The following CNOT7 variants were observed in gnomAD, a reference collection of about 807,000 sequenced individuals.
The protein encoded by CNOT7 is CCR4-NOT transcription complex subunit 7.
In CNOT7, 4 loss-of-function variants were observed where a neutral mutation model predicts 37.1. The observed-to-expected ratio is 0.11, with a 90% CI of 0.05 to 0.25. The LOEUF (loss-of-function observed/expected upper bound fraction) is 0.25. Among genes scored for constraint, CNOT7 ranks in the 10% least tolerant of loss-of-function variants. The pLI is 1.00. For synonymous variants in CNOT7, 128 were observed against 115.6 expected (o/e 1.11, Z -0.69); for missense variants, 170 against 336.2 (o/e 0.51, Z 3.87).
Position 17,237,369 on chromosome 8 carries a change from C to T in CNOT7, c.316G>A (p.Asp106Asn). 6.2e-7 allele frequency: 1 copy of T among 1,613,056 alleles called. No homozygotes were observed. The highest frequency in any genetic ancestry group is 8.5e-7 in the Non-Finnish European group (1 of 1,179,600). ...TCTATAGAGTCCTGGGCATACATGTCCTCCCTGGCAGAAGAAAGAGAAAGA... is the reference window on the plus strand; with the variant it reads ...TCTATAGAGTCCTGGGCATACATGTTCTCCCTGGCAGAAGAAAGAGAAAGA... ...QFNFKFNLTEDMYAQDSIELL... is the reference protein window; with the variant it reads ...QFNFKFNLTENMYAQDSIELL... The change falls in exon 4 of 7, where the codon GAC becomes AAC. Residue 106 changes from aspartate (D) to asparagine (N), a missense_variant. Coordinates refer to ENST00000361272, the MANE Select transcript of CNOT7 (RefSeq NM_013354.7).
At position 17,225,255 on chromosome 8, in the gene CNOT7, C is replaced by G. The variant is rs1294639319; in HGVS notation, c.*5465G>C. On this transcript the variant is annotated 3_prime_UTR_variant, in exon 7 of 7. Transcript: ENST00000361272. ...TATGATACTAAATAAAGATTCTTAT[C>G]TTTTGGGAGAAAGAGCCAAAACAGA... 6.6e-6 allele frequency: 1 copy of G among 151,566 alleles called. No homozygotes were observed. Among genetic ancestry groups the G allele is most frequent in the Non-Finnish European group, 1.5e-5 (1 of 67,630 alleles). The allele number at this position is 151,566 out of a possible 1,614,324, so 9.4% of individuals were successfully genotyped here.
chr8:17,243,370 A>G (rs895976278), intron 2 of CNOT7, 185 bp from the exon 3 acceptor site: 5 of 643,180 alleles, frequency 7.8e-6, no homozygotes, highest in South Asian at 3.7e-5. Context: ...TATAAACTTA[A>G]TAACCTTTCC....
chr8:17,228,361 A>C lies in CNOT7; in HGVS notation c.*2359T>G, dbSNP rs971106369. On this transcript the variant is annotated 3_prime_UTR_variant, in exon 7 of 7. Coordinates refer to ENST00000361272, the MANE Select transcript of CNOT7 (RefSeq NM_013354.7). ...CATTGAGACTGTCTGGAACAAAATA[A>C]AAAAGTAAAACTTAGACCCAGTAAA... The C allele has an allele frequency of 6.6e-6, 1 of 151,976 alleles. No individual in the cohort carries two copies. The highest frequency in any genetic ancestry group is 2.4e-5 in the African/African-American group (1 of 41,448). 9.4% of individuals were successfully genotyped at this position (151,976 alleles called of 1,614,324 possible).
At chr8:17,244,790 A>G (rs1310704045) in intron 2 of CNOT7, 1 of 398,788 alleles carries the variant, frequency 2.5e-6, no homozygotes. Flanking sequence ...CCTAACTCTT[A>G]TTCAAACGGC....
intron 5 of CNOT7, among the ~76,000 whole-genome samples, chr8:17,234,269 A>G (rs371201887): frequency 6.6e-6 from 1 of 152,208 alleles, no homozygotes; most frequent in Non-Finnish European, 1.5e-5. Context: ...TCTAGCCAAG[A>G]TAAGCCAAAA....
chr8:17,237,151 G>C, intron 4 of CNOT7, 61 bp downstream of exon 4: 1 of 1,522,050 alleles, frequency 6.6e-7, no homozygotes, highest in Non-Finnish European at 9.0e-7. Context: ...AGTGACCCAA[G>C]TAAGTGTGGA....
chr8:17,231,955 A>G (rs1257669274), intron 6 of CNOT7: 1 of 986,984 alleles, frequency 1.0e-6, no homozygotes, highest in African/African-American at 1.7e-5. Flanking sequence ...AAAATCTTCA[A>G]AGCACTGAAG....
At chr8:17,241,099 A>G (rs775618304) in intron 3 of CNOT7, among the ~76,000 whole-genome samples, 1 of 152,004 alleles carries the variant, frequency 6.6e-6, no homozygotes, top group Non-Finnish European at 1.5e-5. Flanking sequence ...ACAAAGTATC[A>G]CTCTGTTGCC....
At chr8:17,238,982 A>C (rs1165492282) in intron 3 of CNOT7, among the ~76,000 whole-genome samples, 2 of 151,906 alleles carry the variant, frequency 1.3e-5, no homozygotes, top group African/African-American at 4.8e-5. Flanking sequence ...CTAACATACA[A>C]CTCCTTAACT....
intron 6 of CNOT7, chr8:17,232,106 T>C (rs1808716957): frequency 2.0e-6 from 2 of 1,009,792 alleles, no homozygotes; most frequent in African/African-American, 3.5e-5. Flanking sequence ...GTTCTCCCAC[T>C]AGTAATGTGT....
rs761381506 is a variant in CNOT7, at chr8:17,228,490, TAC to T, written c.*2228_*2229del. 2.0e-5 allele frequency: 3 copies of T among 151,936 alleles called. No individual in the cohort carries two copies. Among genetic ancestry groups the T allele is most frequent in the Non-Finnish European group, 4.4e-5 (3 of 67,858 alleles). 9.4% of individuals were successfully genotyped at this position (151,936 alleles called of 1,614,324 possible). The stretch of plus-strand genomic sequence containing the variant: ...GATGCATTTAATGCAGGCAACAGCA[TAC>T]AGTCCCCCAATTTACGATGGTTCAA... On this transcript the variant is annotated 3_prime_UTR_variant, in exon 7 of 7. Coordinates refer to ENST00000361272, the MANE Select transcript of CNOT7 (RefSeq NM_013354.7).
At chr8:17,235,749 TATTCTTC>T (rs1462772895) in intron 4 of CNOT7, among the ~76,000 whole-genome samples, 1 of 152,230 alleles carries the variant, frequency 6.6e-6, no homozygotes, top group Non-Finnish European at 1.5e-5. Flanking sequence ...CTTCTTAAAC[TATTCTTC>T]ATTACTTGAA....
chr8:17,234,160 A>G (rs779451972), intron 5 of CNOT7, among the ~76,000 whole-genome samples: 2 of 152,230 alleles, frequency 1.3e-5, no homozygotes, highest in Non-Finnish European at 2.9e-5. Flanking sequence ...ATAGTACTTA[A>G]CTGTAACAAG....
intron 5 of CNOT7, 60 bp downstream of exon 5, chr8:17,234,656 C>T (rs759355600): frequency 1.9e-6 from 3 of 1,563,724 alleles, no homozygotes; most frequent in African/African-American, 2.7e-5. Context: ...CCTAGGCTCG[C>T]ATGACAGTCA....
chr8:17,227,780 A>G lies in CNOT7; in HGVS notation c.*2940T>C, dbSNP rs901694988. ...ACAATGTACCAGCATATAATAAAAT[A>G]GTCCATATTCCAATGTGCCTTGAAA... On this transcript the variant is annotated 3_prime_UTR_variant, in exon 7 of 7. Transcript: ENST00000361272. 1 of 151,918 alleles carries G rather than the reference A, an allele frequency of 6.6e-6. No individual in the cohort carries two copies. Among genetic ancestry groups the G allele is most frequent in the Non-Finnish European group, 1.5e-5 (1 of 67,818 alleles). The allele number at this position is 151,918 out of a possible 1,614,324, so 9.4% of individuals were successfully genotyped here.
chr8:17,230,896 G>A (rs983902369), intron 6 of CNOT7, 48 bp from the exon 7 acceptor site: 10 of 1,361,420 alleles, frequency 7.3e-6, no homozygotes, highest in Non-Finnish European at 9.2e-6. Flanking sequence ...TAACCAAAAG[G>A]AACCACTTGT....
Position 17,228,194 on chromosome 8 carries a change from G to A in CNOT7, c.*2526C>T, listed in dbSNP as rs1288966897. On this transcript the variant is annotated 3_prime_UTR_variant, in exon 7 of 7. Coordinates refer to ENST00000361272, the MANE Select transcript of CNOT7 (RefSeq NM_013354.7). ...TGGGCCACACAAAAACAGGCAGCAA[G>A]CTGATTCTGGCTACGGGCCATAGTT... The A allele has an allele frequency of 2.6e-5, 4 of 151,832 alleles. No homozygotes were observed. Among genetic ancestry groups the A allele is most frequent in the Non-Finnish European group, 4.4e-5 (3 of 67,824 alleles). 9.4% of individuals were successfully genotyped at this position (151,832 alleles called of 1,614,324 possible).
chr8:17,237,106 A>T, intron 4 of CNOT7, 106 bp downstream of exon 4: 1 of 1,115,774 alleles, frequency 9.0e-7, no homozygotes, highest in Non-Finnish European at 1.3e-6. Context: ...ATGGCAGTCA[A>T]CTCTTTCCAG....
chr8:17,239,082 C>G (rs1251119001), intron 3 of CNOT7, among the ~76,000 whole-genome samples: 1 of 152,180 alleles, frequency 6.6e-6, no homozygotes, highest in Non-Finnish European at 1.5e-5. Flanking sequence ...CTTCTTGAGA[C>G]AGGGTCTGGC....
Sources: gnomAD v4.1 joint callset for allele counts (sites outside exome capture counted in the v4.1 genomes callset) on GRCh38, gnomAD v4.1.1 for gene constraint, MANE v1.5 for transcripts, NCBI Gene and HGNC (gene_info 2026-07-23, HGNC 2026-07-21) for gene names.